Variants in ITGB6 observed in about 807,000 individuals in gnomAD.
ITGB6 encodes the protein integrin subunit beta 6, also known as integrin beta-6.
In ITGB6, 80 loss-of-function variants were observed where a neutral mutation model predicts 84.5. The ratio of observed to expected loss-of-function variants is 0.95; its 90% CI spans 0.79 to 1.14. The LOEUF (loss-of-function observed/expected upper bound fraction) is 1.14. Among genes scored for constraint, ITGB6 ranks in the 50% most tolerant of loss-of-function variants. ITGB6 has a pLI of 0.00. For synonymous variants in ITGB6, 383 were observed against 354.9 expected (o/e 1.08, Z -0.89); for missense variants, 1,006 against 968.0 (o/e 1.04, Z -0.52).
chr2:160,179,822 G>A (rs185863726), intron 4 of ITGB6, among the ~76,000 whole-genome samples: 1 of 151,570 alleles, frequency 6.6e-6, no homozygotes, highest in African/African-American at 2.4e-5. Flanking sequence ...TTTCGGCCGG[G>A]CAGGGTGGTT....
intron 7 of ITGB6, among the ~76,000 whole-genome samples, chr2:160,144,156 G>C (rs1684101043): frequency 6.6e-6 from 1 of 152,148 alleles, no homozygotes; most frequent in Admixed American, 6.5e-5. Flanking sequence ...TCTCACCTCA[G>C]CCTTCCAAAG....
At chr2:160,151,998 A>C (rs1186604183) in intron 7 of ITGB6, among the ~76,000 whole-genome samples, 1 of 152,234 alleles carries the variant, frequency 6.6e-6, no homozygotes, top group East Asian at 1.9e-4. Context: ...ACGAATTCAC[A>C]GCCGAATTCT....
intron 12 of ITGB6, among the ~76,000 whole-genome samples, chr2:160,122,577 G>T (rs1683086330): frequency 6.6e-6 from 1 of 152,172 alleles, no homozygotes; most frequent in East Asian, 1.9e-4. Flanking sequence ...GTCCACAGAG[G>T]CTGTCTGCTC....
rs1414766192 is a variant in ITGB6 at position 160,101,727 on chromosome 2, A to G, written c.*9T>C. The G allele has an allele frequency of 2.1e-6, 3 of 1,429,346 alleles. No individual in the cohort carries two copies. Among genetic ancestry groups the G allele is most frequent in the Middle Eastern group, 1.8e-4 (1 of 5,710 alleles). 88.5% of individuals were successfully genotyped at this position (1,429,346 alleles called of 1,614,324 possible). A position where few individuals can be genotyped will look rare whatever the true frequency, so the allele number is the denominator to read the frequency against. On this transcript the variant is annotated 3_prime_UTR_variant, in exon 15 of 15. Transcript: ENST00000283249. ...AGTGAAACAGACTTTTTTCATGCAT[A>G]AAGTAGTTCTAGCAATCTGTGGAAA... is the stretch of plus-strand genomic sequence containing the variant.
intron 12 of ITGB6, among the ~76,000 whole-genome samples, chr2:160,121,649 G>A (rs1442279415): frequency 1.3e-5 from 2 of 151,880 alleles, no homozygotes; most frequent in African/African-American, 2.4e-5. Flanking sequence ...CACTGTGTAG[G>A]GTGGCATGTG....
chr2:160,136,511 G>T (rs1683729144), intron 10 of ITGB6, among the ~76,000 whole-genome samples: 1 of 152,146 alleles, frequency 6.6e-6, no homozygotes, highest in Non-Finnish European at 1.5e-5. Context: ...CAGGGATCTA[G>T]AACTAGAAAT....
At chr2:160,194,740 C>T (rs1686267049) in intron 4 of ITGB6, among the ~76,000 whole-genome samples, 1 of 152,208 alleles carries the variant, frequency 6.6e-6, no homozygotes, top group South Asian at 2.1e-4. Context: ...GGTAAGCCGT[C>T]ACAAAGCAAT....
At chr2:160,118,030 C>T (rs1471954479) in intron 12 of ITGB6, among the ~76,000 whole-genome samples, 2 of 152,064 alleles carry the variant, frequency 1.3e-5, no homozygotes, top group Non-Finnish European at 2.9e-5. Flanking sequence ...CAATAGCTTA[C>T]CAACCAAAAA....
chr2:160,140,665 G>T (rs1683965005), intron 8 of ITGB6, among the ~76,000 whole-genome samples: 1 of 152,180 alleles, frequency 6.6e-6, no homozygotes, highest in African/African-American at 2.4e-5. Context: ...CTGACTGGAA[G>T]AATTTCAAGC....
intron 6 of ITGB6, among the ~76,000 whole-genome samples, chr2:160,170,101 C>T (rs1055621400): frequency 6.6e-6 from 1 of 151,206 alleles, no homozygotes; most frequent in African/African-American, 2.5e-5. Context: ...AGCCTGCTAA[C>T]AATTAAATTA....
chr2:160,134,841 A>G (rs1460547846), intron 10 of ITGB6, among the ~76,000 whole-genome samples: 7 of 152,258 alleles, frequency 4.6e-5, no homozygotes, highest in Non-Finnish European at 1.0e-4. Flanking sequence ...AAGGCCTTTG[A>G]CAAAATTCAA....
In ITGB6 at chr2:160,137,532, T is replaced by C; in HGVS notation, c.1562A>G (p.Gln521Arg). The C allele has an allele frequency of 6.2e-7, 1 of 1,614,208 alleles. No individual in the cohort carries two copies. Among genetic ancestry groups the C allele is most frequent in the Non-Finnish European group, 8.5e-7 (1 of 1,180,020 alleles). The change falls in exon 10 of 15, where the codon CAG (glutamine) becomes CGG (arginine). Residue 521 changes from glutamine (Q) to arginine (R), a missense_variant. Gln to Arg is a conservative substitution (Grantham distance 43, BLOSUM62 1). Coordinates refer to ENST00000283249, the MANE Select transcript of ITGB6 (RefSeq NM_000888.5). The stretch of plus-strand genomic sequence containing the variant: ...ATAGGGAGACAAGTGGCAGATACAC[T>C]GCCCACAGTAGCAGTCACCCCTTCC... ...CSGRGDCYCG[Q>R]CICHLSPYGN...
intron 4 of ITGB6, among the ~76,000 whole-genome samples, chr2:160,179,390 CTTTTTTT>C (rs71297445): frequency 0.01 from 1,354 of 131,176 alleles, 20 homozygotes; most frequent in African/African-American, 0.034. Flanking sequence ...TTTTCTTTTT[CTTTTTTT>C]TTTTTTTTTG....
At chr2:160,118,172 G>A (rs1682868735) in intron 12 of ITGB6, among the ~76,000 whole-genome samples, 1 of 152,170 alleles carries the variant, frequency 6.6e-6, no homozygotes, top group Non-Finnish European at 1.5e-5. Flanking sequence ...TATGAGGCCA[G>A]CATCATCCTG....
chr2:160,198,757 A>C (rs959380039), intron 2 of ITGB6, among the ~76,000 whole-genome samples: 5 of 152,230 alleles, frequency 3.3e-5, no homozygotes, highest in Non-Finnish European at 7.3e-5. Context: ...AGAATCTAGC[A>C]GTAGTTCAGA....
In ITGB6 at chr2:160,101,116, T is replaced by C. The variant is rs1359706275; in HGVS notation, c.*620A>G. ...TAATTTATAAATTACTTATTCCTTA[T>C]TTGTAAAACAAATAAAATATTTGTG... On this transcript the variant is annotated 3_prime_UTR_variant, in exon 15 of 15. Coordinates refer to ENST00000283249, the MANE Select transcript of ITGB6 (RefSeq NM_000888.5). 1.3e-5 allele frequency: 2 copies of C among 152,196 alleles called. No homozygotes were observed. The highest frequency in any genetic ancestry group is 1.9e-4 in the East Asian group (1 of 5,202). The allele number at this position is 152,196 out of a possible 1,614,324, so 9.4% of individuals were successfully genotyped here. A position where few individuals can be genotyped will look rare whatever the true frequency, so the allele number is the denominator to read the frequency against.
intron 7 of ITGB6, among the ~76,000 whole-genome samples, chr2:160,145,861 T>C (rs1684166875): frequency 2.0e-5 from 3 of 152,184 alleles, no homozygotes; most frequent in African/African-American, 7.2e-5. Context: ...CAGCTCCTGA[T>C]GTTACCCCCA....
At chr2:160,142,120 G>T in intron 7 of ITGB6, 49 bp from the exon 8 acceptor site, 1 of 1,251,474 alleles carries the variant, frequency 8.0e-7, no homozygotes, top group South Asian at 1.3e-5. Context: ...CATGGTAATT[G>T]AGAAAAGTGT....
chr2:160,199,976 TAATA>T, intron 1 of ITGB6, 23 bp downstream of exon 1: 1 of 1,571,922 alleles, frequency 6.4e-7, no homozygotes, highest in South Asian at 1.1e-5. Flanking sequence ...ACCACGAAAG[TAATA>T]TATCAGAGAA....
Sources: gnomAD v4.1 joint callset for allele counts (sites outside exome capture counted in the v4.1 genomes callset) on GRCh38, gnomAD v4.1.1 for gene constraint, MANE v1.5 for transcripts, NCBI Gene and HGNC (gene_info 2026-07-23, HGNC 2026-07-21) for gene names.